The following GOLPH3L variants were observed in gnomAD, a reference collection of about 807,000 sequenced individuals.
GOLPH3L encodes Golgi phosphoprotein 3-like.
A neutral mutation model predicts 30.3 loss-of-function variants in GOLPH3L; 22 were observed. That is an observed-to-expected ratio of 0.73 (90% CI 0.52 to 1.04). The LOEUF (loss-of-function observed/expected upper bound fraction) is 1.04, where lower values mean the gene tolerates loss of function less well. Ranked by LOEUF, GOLPH3L falls within the 50% of genes least tolerant of loss-of-function variation. The pLI is 0.00. For missense variants in GOLPH3L, 303 were observed against 345.8 expected (o/e 0.88, Z 0.98); for synonymous variants, 120 against 128.2 (o/e 0.94, Z 0.43).
intron 2 of GOLPH3L, among the ~76,000 whole-genome samples, chr1:150,691,905 C>CTT (rs56889576): frequency 5.7e-5 from 8 of 141,126 alleles, no homozygotes; most frequent in African/African-American, 2.0e-4. Context: ...ATGGATGACT[C>CTT]TTTTTTTTTT....
In GOLPH3L at chr1:150,683,326, G is replaced by A. The variant is rs1448997689; in HGVS notation, c.183+11330C>T. On this transcript the variant is annotated intron_variant, in intron 2 of 4. Coordinates refer to ENST00000271732, the MANE Select transcript of GOLPH3L (RefSeq NM_018178.6). The stretch of plus-strand genomic sequence containing the variant: ...CCGAGGCGGGCGGATCACGAGGTCA[G>A]GAGATCGAGACCATCCTGGCCAACA... 2.0e-5 allele frequency among the ~76,000 whole-genome samples: 3 copies of A among 152,010 alleles called. No homozygotes were observed. In the East Asian group the frequency reaches 5.8e-4, roughly 29 times the overall value.
intron 1 of GOLPH3L, 142 bp from the exon 2 acceptor site, chr1:150,694,992 G>C (rs1409076789): frequency 5.2e-6 from 3 of 576,682 alleles, no homozygotes; most frequent in Admixed American, 3.3e-5. Context: ...GTAATGACCA[G>C]AAAAAAATGG....
intron 2 of GOLPH3L, among the ~76,000 whole-genome samples, chr1:150,679,182 T>C (rs752334268): frequency 6.6e-6 from 1 of 152,084 alleles, no homozygotes; most frequent in Non-Finnish European, 1.5e-5. Context: ...TGAGAAAGAT[T>C]TGTCACATAA....
chr1:150,677,124 G>A (rs1411686240), intron 2 of GOLPH3L, among the ~76,000 whole-genome samples: 1 of 151,238 alleles, frequency 6.6e-6, no homozygotes, highest in Non-Finnish European at 1.5e-5. Flanking sequence ...AAGCTGGAGT[G>A]CAGTGGCGCG....
At chr1:150,648,770 A>G (rs1650040469) in intron 4 of GOLPH3L, 22 bp from the exon 5 acceptor site, 1 of 1,469,860 alleles carries the variant, frequency 6.8e-7, no homozygotes, top group Non-Finnish European at 9.4e-7. Flanking sequence ...AAGAAATAGG[A>G]CATAATGAAC....
At chr1:150,666,279 A>G (rs1414029664) in intron 2 of GOLPH3L, among the ~76,000 whole-genome samples, 1 of 151,176 alleles carries the variant, frequency 6.6e-6, no homozygotes, top group East Asian at 1.9e-4. Flanking sequence ...CTTTATTTTA[A>G]CCCCGTCTTT....
intron 2 of GOLPH3L, among the ~76,000 whole-genome samples, chr1:150,692,646 G>C (rs1461217646): frequency 1.3e-5 from 2 of 152,114 alleles, no homozygotes; most frequent in East Asian, 3.8e-4. Context: ...TCTTACCTTG[G>C]CCTCCCAAGT....
At chr1:150,665,125 C>T (rs1156505595) in intron 2 of GOLPH3L, among the ~76,000 whole-genome samples, 3 of 152,006 alleles carry the variant, frequency 2.0e-5, no homozygotes, top group African/African-American at 7.2e-5. Flanking sequence ...AAGCTTTTTA[C>T]ATGCATTATC....
At chr1:150,650,113 T>C (rs993880236) in intron 4 of GOLPH3L, among the ~76,000 whole-genome samples, 1 of 152,076 alleles carries the variant, frequency 6.6e-6, no homozygotes, top group African/African-American at 2.4e-5. Context: ...AGTTCCTCAC[T>C]GAATGTGGGG....
chr1:150,655,392 T>G (rs1191264107), intron 4 of GOLPH3L, among the ~76,000 whole-genome samples: 1 of 152,108 alleles, frequency 6.6e-6, no homozygotes, highest in Non-Finnish European at 1.5e-5. Flanking sequence ...GAGAAGAGAT[T>G]TATTACAACA....
chr1:150,661,135 G>C (rs909661306), intron 4 of GOLPH3L, among the ~76,000 whole-genome samples: 1 of 152,180 alleles, frequency 6.6e-6, no homozygotes, highest in Admixed American at 6.5e-5. Flanking sequence ...GGCTGAGGCA[G>C]GAGAATTGCT....
chr1:150,688,520 G>C (rs1016607149), intron 2 of GOLPH3L, among the ~76,000 whole-genome samples: 1 of 152,184 alleles, frequency 6.6e-6, no homozygotes, highest in Non-Finnish European at 1.5e-5. Context: ...GGGAGGCCAA[G>C]GCAGTTGGAT....
intron 4 of GOLPH3L, among the ~76,000 whole-genome samples, chr1:150,655,372 T>C (rs1428064124): frequency 6.6e-6 from 1 of 152,154 alleles, no homozygotes; most frequent in Non-Finnish European, 1.5e-5. Flanking sequence ...TATGTACCTA[T>C]AAATTTATGG....
chr1:150,679,952 GAAT>G (rs1001058736), intron 2 of GOLPH3L, among the ~76,000 whole-genome samples: 6 of 151,870 alleles, frequency 4.0e-5, no homozygotes, highest in Admixed American at 2.6e-4. Context: ...TTTAAAAAAA[GAAT>G]AATAATAAAA....
intron 2 of GOLPH3L, among the ~76,000 whole-genome samples, chr1:150,664,274 G>A (rs587754443): frequency 6.6e-6 from 1 of 152,044 alleles, no homozygotes; most frequent in Admixed American, 6.6e-5. Context: ...AAAGTGTTGG[G>A]ATTACAGACA....
chr1:150,693,819 GTATATATATA>G (rs1175095529), intron 2 of GOLPH3L, among the ~76,000 whole-genome samples: 3 of 86,862 alleles, frequency 3.5e-5, no homozygotes, highest in African/African-American at 1.0e-4. Flanking sequence ...GTGTGTGTGT[GTATATATATA>G]TATATATATA....
Position 150,663,749 on chromosome 1 carries a change from G to T in GOLPH3L, c.198C>A (p.Phe66Leu). 1 of 1,613,482 alleles carries T rather than the reference G, an allele frequency of 6.2e-7. No individual in the cohort carries two copies. Among genetic ancestry groups the T allele is most frequent in the Non-Finnish European group, 8.5e-7 (1 of 1,179,474 alleles). ...GLKDKEGYTS[F>L]WNDCISSGLR... Reference sequence around the variant, plus strand: ...GGCCTGATGATATGCAGTCATTCCAGAAAGATGTGTACCCCTAGGAAAGGA... The same window carrying T: ...GGCCTGATGATATGCAGTCATTCCATAAAGATGTGTACCCCTAGGAAAGGA... Residue 66 changes from phenylalanine (F) to leucine (L), a missense_variant, in exon 3 of 5, where the codon TTC (phenylalanine) becomes TTA (leucine). Physicochemically the swap from Phe to Leu is conservative, Grantham distance 22 (BLOSUM62 0). Transcript: ENST00000271732.
intron 2 of GOLPH3L, among the ~76,000 whole-genome samples, chr1:150,672,320 A>G (rs1650664959): frequency 2.6e-5 from 4 of 152,220 alleles, no homozygotes; most frequent in Admixed American, 2.6e-4. Context: ...TCACTCTATT[A>G]AAAGAGTGGT....
At chr1:150,689,792 C>T (rs1255287529) in intron 2 of GOLPH3L, among the ~76,000 whole-genome samples, 5 of 152,016 alleles carry the variant, frequency 3.3e-5, no homozygotes, top group Non-Finnish European at 7.4e-5. Flanking sequence ...CATGCCACCA[C>T]ACCCAGCTAA....
Sources: gnomAD v4.1 joint callset for allele counts (sites outside exome capture counted in the v4.1 genomes callset) on GRCh38, gnomAD v4.1.1 for gene constraint, MANE v1.5 for transcripts, NCBI Gene and HGNC (gene_info 2026-07-23, HGNC 2026-07-21) for gene names.